The following PITPNC1 variants were observed in gnomAD, a reference collection of about 807,000 sequenced individuals.
The protein encoded by PITPNC1 is phosphatidylinositol transfer protein cytoplasmic 1.
In PITPNC1, 18 loss-of-function variants were observed where a neutral mutation model predicts 44.7. The ratio of observed to expected loss-of-function variants is 0.40; its 90% CI spans 0.28 to 0.60. The LOEUF (loss-of-function observed/expected upper bound fraction) is 0.60. Ranked by LOEUF, PITPNC1 falls within the 20% of genes least tolerant of loss-of-function variation. The pLI is 0.39. For missense variants in PITPNC1, 290 were observed against 418.4 expected (o/e 0.69, Z 2.68); for synonymous variants, 141 against 149.6 (o/e 0.94, Z 0.42).
chr17:67,533,258 C>T (rs1399911148), intron 2 of PITPNC1, among the ~76,000 whole-genome samples: 2 of 152,222 alleles, frequency 1.3e-5, no homozygotes, highest in Admixed American at 1.3e-4. Context: ...AAGACCCTGA[C>T]TGTAAAAAAT....
chr17:67,576,725 G>A (rs933252045), intron 4 of PITPNC1, among the ~76,000 whole-genome samples: 2 of 152,160 alleles, frequency 1.3e-5, no homozygotes, highest in African/African-American at 4.8e-5. Context: ...GCGAGACTGG[G>A]GCTGTAGGGC....
intron 8 of PITPNC1, among the ~76,000 whole-genome samples, chr17:67,681,512 G>A (rs368850930): frequency 2.0e-5 from 3 of 150,402 alleles, no homozygotes; most frequent in African/African-American, 7.3e-5. Flanking sequence ...GGGAGGCTGA[G>A]GTGGAAGGAC....
At chr17:67,425,892 G>C (rs1035238614) in intron 1 of PITPNC1, among the ~76,000 whole-genome samples, 1 of 152,082 alleles carries the variant, frequency 6.6e-6, no homozygotes, top group Non-Finnish European at 1.5e-5. Context: ...TAAGGTCTAT[G>C]TCACAACCAC....
chr17:67,692,556 G>T lies in PITPNC1; in HGVS notation c.683-16G>T, dbSNP rs1291426208. The T allele has an allele frequency of 1.3e-6, 2 of 1,588,148 alleles. No homozygotes were observed. The highest frequency in any genetic ancestry group is 1.7e-5 in the Admixed American group (1 of 58,652). On this transcript the variant is annotated splice_polypyrimidine_tract_variant and intron_variant, in intron 8 of 8. Coordinates refer to ENST00000581322, the MANE Select transcript of PITPNC1 (RefSeq NM_012417.4). Reference sequence around the variant, plus strand: ...TAAATAACTGCTCGTTTTTCTTTCTGTTTTTCTCCTTGAAGACATGACAAT... The same window carrying T: ...TAAATAACTGCTCGTTTTTCTTTCTTTTTTTCTCCTTGAAGACATGACAAT...
intron 1 of PITPNC1, chr17:67,408,676 TTCTTCC>T (rs2038437766): frequency 2.1e-5 from 1 of 48,080 alleles, no homozygotes; most frequent in Non-Finnish European, 5.2e-5. Flanking sequence ...TGCTTTCTCT[TTCTTCC>T]TTCCTTCCTT....
chr17:67,470,097 A>T (rs1432889555), intron 1 of PITPNC1, among the ~76,000 whole-genome samples: 1 of 151,922 alleles, frequency 6.6e-6, no homozygotes, highest in African/African-American at 2.4e-5. Context: ...TAATTTATGT[A>T]TTTTTAGTAG....
At position 67,425,203 on chromosome 17, in the gene PITPNC1, G is replaced by GCACGCACACACACACACA. The variant is rs1555649746; in HGVS notation, c.48+47004_48+47005insGCACACACACACACACAC. On this transcript the variant is annotated intron_variant, in intron 1 of 8. Coordinates refer to ENST00000581322, the MANE Select transcript of PITPNC1 (RefSeq NM_012417.4). ...CCATGTTGTGCGCGCGCACGCACAC[G>GCACGCACACACACACACA]CACACACACACACACACACACACAC... 1.9e-4 allele frequency among the ~76,000 whole-genome samples: 19 copies of GCACGCACACACACACACA among 98,822 alleles called. 1 individual carries two copies. The highest frequency in any genetic ancestry group is 3.6e-4 in the East Asian group (1 of 2,756). 64.8% of individuals were successfully genotyped at this position (98,822 alleles called of 152,430 possible). A position where few individuals can be genotyped will look rare whatever the true frequency, so the allele number is the denominator to read the frequency against.
In PITPNC1 at chr17:67,692,647, C is replaced by T. The variant is rs1213617851; in HGVS notation, c.758C>T (p.Pro253Leu). The T allele has an allele frequency of 1.2e-6, 2 of 1,613,604 alleles. No individual in the cohort carries two copies. Among genetic ancestry groups the T allele is most frequent in the Non-Finnish European group, 1.7e-6 (2 of 1,179,706 alleles). The change falls in exon 9 of 9, where the codon CCA becomes CTA. Residue 253 changes from proline to leucine, a missense_variant. Pro to Leu is a moderately conservative substitution (Grantham distance 98). Coordinates refer to ENST00000581322, the MANE Select transcript of PITPNC1 (RefSeq NM_012417.4). ...EATNKKIGIF[P>L]PAISISSIPL... is the part of the protein sequence containing the mutation. ...ACCAACAAGAAAATCGGCATTTTCC[C>T]ACCTGCAATTTCTATCTCCAGCATC...
chr17:67,395,888 G>A (rs1049744325), intron 1 of PITPNC1, among the ~76,000 whole-genome samples: 1 of 152,116 alleles, frequency 6.6e-6, no homozygotes, highest in Non-Finnish European at 1.5e-5. Context: ...CAAACCCTGG[G>A]CTATTGAAGG....
chr17:67,465,478 C>T (rs1287613909), intron 1 of PITPNC1, among the ~76,000 whole-genome samples: 14 of 152,126 alleles, frequency 9.2e-5, no homozygotes, highest in East Asian at 1.9e-4. Flanking sequence ...TTAAGTGCTC[C>T]GGGAGATTTC....
chr17:67,407,979 A>G (rs1326812973), intron 1 of PITPNC1, among the ~76,000 whole-genome samples: 3 of 151,834 alleles, frequency 2.0e-5, no homozygotes, highest in African/African-American at 4.8e-5. Flanking sequence ...TTTTTGAGAC[A>G]GAGTCTTGCT....
chr17:67,585,355 C>G (rs2041299162), intron 5 of PITPNC1, among the ~76,000 whole-genome samples: 1 of 152,090 alleles, frequency 6.6e-6, no homozygotes, highest in Non-Finnish European at 1.5e-5. Flanking sequence ...GATATATGTT[C>G]CCCCACCCCA....
chr17:67,616,886 G>A (rs552792487), intron 5 of PITPNC1, among the ~76,000 whole-genome samples: 1 of 152,276 alleles, frequency 6.6e-6, no homozygotes, highest in Admixed American at 6.5e-5. Context: ...CACGCCTGAA[G>A]TTATTCCTGT....
intron 1 of PITPNC1, among the ~76,000 whole-genome samples, chr17:67,529,039 G>A (rs1397891301): frequency 1.3e-5 from 2 of 152,028 alleles, no homozygotes; most frequent in African/African-American, 4.8e-5. Context: ...GGGCTCGAGT[G>A]TCCCGCCACC....
chr17:67,629,095 C>G (rs1439647177), intron 5 of PITPNC1, among the ~76,000 whole-genome samples: 1 of 152,168 alleles, frequency 6.6e-6, no homozygotes, highest in Non-Finnish European at 1.5e-5. Context: ...TCGGAGAAAG[C>G]TACATAACCT....
At chr17:67,529,531 G>A (rs920095648) in intron 1 of PITPNC1, among the ~76,000 whole-genome samples, 3 of 152,166 alleles carry the variant, frequency 2.0e-5, no homozygotes, top group African/African-American at 7.2e-5. Context: ...CATTCTCAAC[G>A]TTGTGCAAAA....
intron 1 of PITPNC1, among the ~76,000 whole-genome samples, chr17:67,385,688 GACACAGTTCC>G (rs1418663593): frequency 6.6e-6 from 1 of 152,158 alleles, no homozygotes; most frequent in Non-Finnish European, 1.5e-5. Flanking sequence ...ACCATCTCCG[GACACAGTTCC>G]ACAGCCAGGG....
At chr17:67,435,215 A>C (rs1426946504) in intron 1 of PITPNC1, among the ~76,000 whole-genome samples, 1 of 151,944 alleles carries the variant, frequency 6.6e-6, no homozygotes, top group Non-Finnish European at 1.5e-5. Context: ...CAGTTACTTC[A>C]TCTGTAAAAC....
chr17:67,535,297 G>A (rs991523675), intron 2 of PITPNC1, among the ~76,000 whole-genome samples: 10 of 152,304 alleles, frequency 6.6e-5, no homozygotes, highest in African/African-American at 2.2e-4. Context: ...CATTCTTAGC[G>A]TGGAGGGTGT....
Sources: allele counts gnomAD v4.1 joint callset (sites outside exome capture counted in the v4.1 genomes callset), GRCh38; gene constraint gnomAD v4.1.1; transcripts MANE v1.5; gene names NCBI Gene and HGNC (gene_info 2026-07-23, HGNC 2026-07-21).